Variants in NR2F1-AS1 observed in about 807,000 individuals in gnomAD.
NR2F1-AS1 encodes the protein NR2F1 regulatory antisense RNA 1, also known as NR2F1 antisense RNA 1.
chr5:93,480,244 CAG>C (rs1171419960), intron 4 of NR2F1-AS1, among the ~76,000 whole-genome samples: 1 of 152,034 alleles, frequency 6.6e-6, no homozygotes, highest in Non-Finnish European at 1.5e-5. Context: ...TAGACAAAGA[CAG>C]AGAAAAATCT....
chr5:93,491,067 T>A (rs1750834790), intron 4 of NR2F1-AS1, among the ~76,000 whole-genome samples: 1 of 144,852 alleles, frequency 6.9e-6, no homozygotes, highest in African/African-American at 2.6e-5. Context: ...TGGTGGTCGT[T>A]CCTGGTAATA....
upstream of NR2F1-AS1, chr5:93,584,681 G>A (rs1277729746): frequency 6.7e-6 from 1 of 148,854 alleles, no homozygotes; most frequent in Non-Finnish European, 1.5e-5. Flanking sequence ...GGGGGAGCGG[G>A]CGAGGGGAGC....
chr5:93,506,068 T>A (rs1312451457), intron 4 of NR2F1-AS1, among the ~76,000 whole-genome samples: 2 of 152,198 alleles, frequency 1.3e-5, no homozygotes, highest in Non-Finnish European at 2.9e-5. Context: ...TTTTGAATGC[T>A]TTGCTGCTTA....
chr5:93,576,201 T>C (rs2149932638), intron 1 of NR2F1-AS1, among the ~76,000 whole-genome samples: 1 of 152,302 alleles, frequency 6.6e-6, no homozygotes, highest in East Asian at 1.9e-4. Flanking sequence ...GCCCTTTCCT[T>C]TCTCTTTTCA....
intron 4 of NR2F1-AS1, among the ~76,000 whole-genome samples, chr5:93,525,622 C>T (rs1346349616): frequency 6.6e-6 from 1 of 152,172 alleles, no homozygotes; most frequent in Non-Finnish European, 1.5e-5. Flanking sequence ...CATTCCTCAG[C>T]AAATGCAAAA....
rs183538430 is a variant in NR2F1-AS1 at position 93,425,178 on chromosome 5, G to A, written n.639-29636C>T. Among the ~76,000 whole-genome samples the A allele has an allele frequency of 7.0e-4, 106 of 152,284 alleles. No homozygotes were observed. The Middle Eastern group carries it at 0.01, about 15-fold the overall frequency. ...CCCCAGAGAGATCAGGGGAAATCTGGGCTGACAAATGATTTCCCCTGGACA... is the reference window on the plus strand; with the variant it reads ...CCCCAGAGAGATCAGGGGAAATCTGAGCTGACAAATGATTTCCCCTGGACA... On this transcript the variant is annotated intron_variant and non_coding_transcript_variant, in intron 4 of 5. Coordinates refer to ENST00000660523, the Ensembl canonical transcript of NR2F1-AS1.
chr5:93,426,564 A>G (rs1200322898), intron 4 of NR2F1-AS1, among the ~76,000 whole-genome samples: 2 of 152,204 alleles, frequency 1.3e-5, no homozygotes, highest in African/African-American at 4.8e-5. Flanking sequence ...CATTTTGTGC[A>G]TATCTCTGCA....
chr5:93,473,047 G>T (rs17082129), intron 4 of NR2F1-AS1, among the ~76,000 whole-genome samples: 15,488 of 151,846 alleles, frequency 0.1, 867 homozygotes, highest in Middle Eastern at 0.16. Flanking sequence ...TAAGGCCCAT[G>T]TGTCATGTAA....
intron 4 of NR2F1-AS1, among the ~76,000 whole-genome samples, chr5:93,508,160 A>G (rs116817691): frequency 0.026 from 3,965 of 152,302 alleles, 167 homozygotes; most frequent in African/African-American, 0.09. Context: ...AAAATAAGAT[A>G]CTTTTTAAGA....
intron 4 of NR2F1-AS1, among the ~76,000 whole-genome samples, chr5:93,476,732 G>T (rs1750493360): frequency 6.6e-6 from 1 of 152,076 alleles, no homozygotes; most frequent in Non-Finnish European, 1.5e-5. Context: ...CACAGCAGTA[G>T]TAGGTATCCC....
At chr5:93,511,064 T>C (rs1751285072) in intron 4 of NR2F1-AS1, among the ~76,000 whole-genome samples, 1 of 152,152 alleles carries the variant, frequency 6.6e-6, no homozygotes, top group Admixed American at 6.6e-5. Context: ...TAAATTCATG[T>C]GATGCTTAAT....
chr5:93,449,623 TCTTA>T (rs1208083520), intron 4 of NR2F1-AS1, among the ~76,000 whole-genome samples: 4 of 152,318 alleles, frequency 2.6e-5, no homozygotes, highest in East Asian at 3.9e-4. Flanking sequence ...TTACTATAAA[TCTTA>T]CTTTATTTTA....
intron 4 of NR2F1-AS1, among the ~76,000 whole-genome samples, chr5:93,552,303 T>C (rs1159969826): frequency 6.6e-6 from 1 of 152,116 alleles, no homozygotes; most frequent in Non-Finnish European, 1.5e-5. Context: ...AGTTGGTACC[T>C]ATCAGGGAGC....
chr5:93,565,527 T>G (rs988704644), intron 1 of NR2F1-AS1, among the ~76,000 whole-genome samples: 2 of 152,114 alleles, frequency 1.3e-5, no homozygotes, highest in East Asian at 3.8e-4. Context: ...CAAGAAGCCA[T>G]AAAGAAATAT....
chr5:93,518,178 C>T (rs1013834229), intron 4 of NR2F1-AS1, among the ~76,000 whole-genome samples: 1 of 152,034 alleles, frequency 6.6e-6, no homozygotes. Context: ...AATTTAGGCT[C>T]ATGAGAACAA....
intron 4 of NR2F1-AS1, among the ~76,000 whole-genome samples, chr5:93,439,141 A>G (rs1478348441): frequency 6.6e-6 from 1 of 152,252 alleles, no homozygotes; most frequent in Non-Finnish European, 1.5e-5. Flanking sequence ...AACATAGCCA[A>G]GAAGGACCAT....
At chr5:93,479,956 G>A (rs1351094221) in intron 4 of NR2F1-AS1, among the ~76,000 whole-genome samples, 1 of 151,840 alleles carries the variant, frequency 6.6e-6, no homozygotes, top group Non-Finnish European at 1.5e-5. Flanking sequence ...CAAACTTGAA[G>A]ACAGAACAAT....
chr5:93,460,676 A>G (rs1750068648), intron 4 of NR2F1-AS1, among the ~76,000 whole-genome samples: 1 of 152,198 alleles, frequency 6.6e-6, no homozygotes, highest in Admixed American at 6.5e-5. Context: ...CCCAAAGGAC[A>G]TGAACAGACA....
intron 4 of NR2F1-AS1, among the ~76,000 whole-genome samples, chr5:93,507,692 A>C (rs989444193): frequency 2.6e-5 from 4 of 152,332 alleles, no homozygotes; most frequent in African/African-American, 7.2e-5. Context: ...AATTGAAAAA[A>C]TAAAAATTAT....
Sources: gnomAD v4.1 joint callset for allele counts (sites outside exome capture counted in the v4.1 genomes callset) on GRCh38, gnomAD v4.1.1 for gene constraint, MANE v1.5 for transcripts, NCBI Gene and HGNC (gene_info 2026-07-23, HGNC 2026-07-21) for gene names.